RALYL: variants seen among roughly 807,000 people sequenced by gnomAD.
RALYL encodes RALY RNA binding protein like.
RALYL carries 29 observed loss-of-function variants against 35.1 expected under a neutral mutation model. That is an observed-to-expected ratio of 0.83 (90% CI 0.61 to 1.13). RALYL has a LOEUF of 1.13. Among genes scored for constraint, RALYL ranks in the 50% most tolerant of loss-of-function variants. The pLI, the probability that RALYL is intolerant of heterozygous loss-of-function variation, is 0.00. For missense variants in RALYL, 359 were observed against 360.4 expected, an observed-to-expected ratio of 1.00 and a Z score of 0.03; for synonymous variants, 120 against 127.6, an observed-to-expected ratio of 0.94 and a Z score of 0.40.
intron 2 of RALYL, among the ~76,000 whole-genome samples, chr8:84,654,632 A>G (rs1379802865): frequency 3.3e-5 from 5 of 151,860 alleles, no homozygotes; most frequent in Non-Finnish European, 7.4e-5. Context: ...CATCTCCAGG[A>G]GTTCAATTGT....
chr8:84,830,374 GAACT>G (rs1457551768), intron 4 of RALYL, among the ~76,000 whole-genome samples: 4 of 151,402 alleles, frequency 2.6e-5, no homozygotes, highest in South Asian at 2.1e-4. Context: ...CAAAATTATC[GAACT>G]AACAGAAAAA....
intron 2 of RALYL, among the ~76,000 whole-genome samples, chr8:84,760,877 T>A (rs1812517740): frequency 6.6e-6 from 1 of 152,096 alleles, no homozygotes; most frequent in Non-Finnish European, 1.5e-5. Context: ...TATAATTAGA[T>A]AGTTATCTTC....
intron 2 of RALYL, among the ~76,000 whole-genome samples, chr8:84,728,950 C>T (rs549441903): frequency 6.6e-6 from 1 of 152,112 alleles, no homozygotes; most frequent in East Asian, 1.9e-4. Context: ...ATTGACTTAG[C>T]AATGTGGGCT....
intron 1 of RALYL, among the ~76,000 whole-genome samples, chr8:84,439,873 C>T (rs2048149934): frequency 1.3e-5 from 2 of 152,062 alleles, no homozygotes; most frequent in South Asian, 4.1e-4. Flanking sequence ...TGGATTTATA[C>T]TTAATAATCC....
At chr8:84,405,823 C>CTTT (rs776007226) in intron 1 of RALYL, among the ~76,000 whole-genome samples, 1,534 of 118,084 alleles carry the variant, frequency 0.013, 77 homozygotes, top group African/African-American at 0.047. Context: ...TATTTTCATT[C>CTTT]TTTTTTTTTT....
chr8:84,236,241 T>A (rs1165764069), intron 1 of RALYL, among the ~76,000 whole-genome samples: 1 of 152,128 alleles, frequency 6.6e-6, no homozygotes, highest in Non-Finnish European at 1.5e-5. Context: ...TATCAACAAG[T>A]TTTTGCATCT....
intron 2 of RALYL, among the ~76,000 whole-genome samples, chr8:84,592,960 T>C (rs1813624166): frequency 6.6e-6 from 1 of 152,116 alleles, no homozygotes; most frequent in Non-Finnish European, 1.5e-5. Flanking sequence ...AAGACAGGCT[T>C]CTTTGGGTGA....
intron 2 of RALYL, among the ~76,000 whole-genome samples, chr8:84,530,446 T>TTTCCTCA (rs1050964758): frequency 2.6e-5 from 4 of 151,554 alleles, no homozygotes; most frequent in Admixed American, 2.0e-4. Context: ...CACTCCCAAA[T>TTTCCTCA]TTCCTCATCA....
chr8:84,824,779 A>G (rs1829297762), intron 4 of RALYL, among the ~76,000 whole-genome samples: 1 of 152,202 alleles, frequency 6.6e-6, no homozygotes, highest in Non-Finnish European at 1.5e-5. Flanking sequence ...TTCCTATTCA[A>G]TAAATGGTGT....
At chr8:84,197,445 A>AT (rs1365263400) in intron 1 of RALYL, among the ~76,000 whole-genome samples, 3 of 152,172 alleles carry the variant, frequency 2.0e-5, no homozygotes, top group Non-Finnish European at 4.4e-5. Flanking sequence ...CTAACCTTCC[A>AT]TTTTTACATC....
At chr8:84,619,151 T>G (rs1236149108) in intron 2 of RALYL, among the ~76,000 whole-genome samples, 1 of 151,572 alleles carries the variant, frequency 6.6e-6, no homozygotes, top group African/African-American at 2.4e-5. Flanking sequence ...GGTATCCTTG[T>G]TGACTTTCTG....
intron 1 of RALYL, among the ~76,000 whole-genome samples, chr8:84,424,143 G>A (rs950896640): frequency 1.3e-5 from 2 of 151,232 alleles, no homozygotes; most frequent in Non-Finnish European, 3.0e-5. Context: ...CATGCAGAGT[G>A]TTTTCCAACT....
At chr8:84,277,279 C>G (rs1165667102) in intron 1 of RALYL, among the ~76,000 whole-genome samples, 2 of 152,130 alleles carry the variant, frequency 1.3e-5, no homozygotes, top group East Asian at 3.9e-4. Context: ...TGCAGGGGAG[C>G]TCCCATTTAT....
chr8:84,403,673 T>C (rs2043174827), intron 1 of RALYL, among the ~76,000 whole-genome samples: 1 of 152,046 alleles, frequency 6.6e-6, no homozygotes, highest in Middle Eastern at 3.4e-3. Context: ...TGGGCTCTTT[T>C]TTGGTTCCAT....
chr8:84,334,040 C>T lies in RALYL; in HGVS notation c.-24+149616C>T, dbSNP rs572510500. Reference sequence around the variant, plus strand: ...TAGCTGGGACTATGGGTGCATGCTACCACACAGCTAAATTTGTATTTTTTG... The same window carrying T: ...TAGCTGGGACTATGGGTGCATGCTATCACACAGCTAAATTTGTATTTTTTG... On this transcript the variant is annotated intron_variant, in intron 1 of 8. Transcript: ENST00000521268. Among the ~76,000 whole-genome samples the T allele has an allele frequency of 4.6e-5, 7 of 152,080 alleles. No homozygotes were observed. The East Asian group carries it at 1.4e-3, about 29-fold the overall frequency.
chr8:84,419,536 G>T (rs1419132312), intron 1 of RALYL, among the ~76,000 whole-genome samples: 2 of 151,122 alleles, frequency 1.3e-5, no homozygotes, highest in Non-Finnish European at 2.9e-5. Flanking sequence ...CAAATTTATG[G>T]TCTTAACTTT....
chr8:84,224,972 A>G (rs1823492681), intron 1 of RALYL, among the ~76,000 whole-genome samples: 1 of 152,114 alleles, frequency 6.6e-6, no homozygotes, highest in African/African-American at 2.4e-5. Context: ...TAATACTTTT[A>G]AAACACTTAA....
intron 2 of RALYL, among the ~76,000 whole-genome samples, chr8:84,643,101 A>G (rs1289068791): frequency 6.6e-6 from 1 of 151,988 alleles, no homozygotes; most frequent in African/African-American, 2.4e-5. Flanking sequence ...ACACACTCAC[A>G]CATACAAACA....
chr8:84,503,276 C>T, intron 1 of RALYL, among the ~76,000 whole-genome samples: 1 of 151,744 alleles, frequency 6.6e-6, no homozygotes, highest in Non-Finnish European at 1.5e-5. Flanking sequence ...GCCTTAGACT[C>T]CCAAGTAGCT....
Sources: allele counts gnomAD v4.1 joint callset (sites outside exome capture counted in the v4.1 genomes callset), GRCh38; gene constraint gnomAD v4.1.1; transcripts MANE v1.5; gene names NCBI Gene and HGNC (gene_info 2026-07-23, HGNC 2026-07-21).